TENM1: variants seen among roughly 807,000 people sequenced by gnomAD.
The protein encoded by TENM1 is teneurin-1.
TENM1 carries 35 observed loss-of-function variants against 174.8 expected under a neutral mutation model. The ratio of observed to expected loss-of-function variants is 0.20; its 90% CI spans 0.15 to 0.27. The LOEUF is 0.27. TENM1 is among the 10% of genes least tolerant of loss of function. The probability of loss-of-function intolerance (pLI) is 1.00; values close to 1 mark genes in which losing one functional copy is unlikely to be tolerated. For missense variants in TENM1, 1,633 were observed against 2,130.1 expected, an observed-to-expected ratio of 0.77 and a Z score of 4.59; for synonymous variants, 781 against 798.7, an observed-to-expected ratio of 0.98 and a Z score of 0.37.
At chrX:124,692,399 A>G (rs886823422) in intron 5 of TENM1, among the ~76,000 whole-genome samples, 1 of 111,323 alleles carries the variant, frequency 9.0e-6, no homozygotes, top group Non-Finnish European at 1.9e-5. Flanking sequence ...AAATTTACTT[A>G]TAGAACAAAC....
intron 4 of TENM1, among the ~76,000 whole-genome samples, chrX:124,716,468 G>GA (rs955216179): frequency 8.9e-6 from 1 of 112,171 alleles, no homozygotes; most frequent in Non-Finnish European, 1.9e-5. Context: ...CCACTGGCTA[G>GA]AAAAAAGCAG....
chrX:124,587,388 A>T (rs990686578), intron 11 of TENM1, among the ~76,000 whole-genome samples: 1 of 107,458 alleles, frequency 9.3e-6, no homozygotes, highest in African/African-American at 3.4e-5. Flanking sequence ...AATGCCACAT[A>T]TCTACAACTA....
chrX:125,085,786 A>G, the TENM1 span, among the ~76,000 whole-genome samples: 1 of 110,505 alleles, frequency 9.0e-6, no homozygotes, highest in African/African-American at 3.3e-5. Context: ...TATTTTCCCT[A>G]TTTGTGATTT....
chrX:124,914,529 C>T (rs915760438), intron 1 of TENM1, among the ~76,000 whole-genome samples: 7 of 111,692 alleles, frequency 6.3e-5, no homozygotes, highest in African/African-American at 1.3e-4. Context: ...TTAAAAGACG[C>T]CTTACATTTT....
intron 23 of TENM1, among the ~76,000 whole-genome samples, chrX:124,434,213 C>A (rs1603265326): frequency 9.0e-6 from 1 of 111,194 alleles, no homozygotes; most frequent in African/African-American, 3.3e-5. Flanking sequence ...CTCGTTGGGG[C>A]CCCCAACAAT....
intron 5 of TENM1, among the ~76,000 whole-genome samples, chrX:124,684,812 G>A (rs1352555763): frequency 2.7e-5 from 3 of 111,392 alleles, no homozygotes; most frequent in Non-Finnish European, 5.7e-5. Context: ...CAAGGGTTTA[G>A]GCCTACCCTA....
At chrX:125,158,946 A>C in the TENM1 span, among the ~76,000 whole-genome samples, 2 of 111,868 alleles carry the variant, frequency 1.8e-5, no homozygotes, top group African/African-American at 6.5e-5. Context: ...TAACAAAAAA[A>C]AAAACAAGTG....
chrX:125,007,161 A>C, the TENM1 span, among the ~76,000 whole-genome samples: 3 of 111,469 alleles, frequency 2.7e-5, no homozygotes, highest in Admixed American at 2.9e-4. Context: ...AACTAGAAAA[A>C]CCAGTTTAGA....
At chrX:124,560,566 T>C (rs1372064107) in intron 14 of TENM1, among the ~76,000 whole-genome samples, 1 of 111,142 alleles carries the variant, frequency 9.0e-6, no homozygotes, top group Non-Finnish European at 1.9e-5. Context: ...GTGTTCTTAA[T>C]CACAAAGTTG....
chrX:124,497,046 G>A (rs747368597), exon 20 of TENM1: 45 of 1,207,752 alleles, frequency 3.7e-5, no homozygotes, highest in East Asian at 1.2e-4. Context: ...GGAGTTTCCC[G>A]AGGGAAATAT....
chrX:124,393,304 G>A (rs1220277148), intron 27 of TENM1, among the ~76,000 whole-genome samples: 2 of 110,528 alleles, frequency 1.8e-5, no homozygotes, highest in African/African-American at 3.3e-5. Flanking sequence ...TTTTTTCCAC[G>A]TTTCAGCTGG....
chrX:124,871,437 A>G (rs1473576232), intron 3 of TENM1, among the ~76,000 whole-genome samples: 2 of 111,391 alleles, frequency 1.8e-5, no homozygotes, highest in Non-Finnish European at 3.8e-5. Context: ...GATGACTCCA[A>G]GGTTTTTGAC....
At chrX:124,852,483 G>A (rs1184330706) in intron 3 of TENM1, among the ~76,000 whole-genome samples, 3 of 110,904 alleles carry the variant, frequency 2.7e-5, no homozygotes, top group Non-Finnish European at 5.7e-5. Context: ...GGGAGAAGAA[G>A]AAGCCTAGAA....
At chrX:125,131,297 CAT>C in the TENM1 span, among the ~76,000 whole-genome samples, 1 of 111,522 alleles carries the variant, frequency 9.0e-6, no homozygotes, top group Non-Finnish European at 1.9e-5. Flanking sequence ...CTAGTCTAAA[CAT>C]GTGTTTATAG....
chrX:125,159,232 C>T, the TENM1 span, among the ~76,000 whole-genome samples: 94 of 112,244 alleles, frequency 8.4e-4, no homozygotes, highest in African/African-American at 3.0e-3. Context: ...CTTAACGTAT[C>T]CTCATGCTAG....
intron 5 of TENM1, among the ~76,000 whole-genome samples, chrX:124,691,542 C>T (rs1419123431): frequency 8.9e-6 from 1 of 111,780 alleles, no homozygotes. Flanking sequence ...GGTGGGTGTA[C>T]GAAATGGCTC....
intron 27 of TENM1, among the ~76,000 whole-genome samples, chrX:124,400,245 A>G (rs1003460219): frequency 3.6e-5 from 4 of 112,035 alleles, no homozygotes; most frequent in East Asian, 2.8e-4. Context: ...AATAGTGTCA[A>G]GTGAATGAAA....
intron 11 of TENM1, among the ~76,000 whole-genome samples, chrX:124,615,550 A>T (rs2050379741): frequency 8.9e-6 from 1 of 112,412 alleles, no homozygotes; most frequent in South Asian, 3.7e-4. Flanking sequence ...AGGTTCCGTT[A>T]TTTTTAGATG....
chrX:124,517,847 T>C (rs909988383), intron 18 of TENM1, among the ~76,000 whole-genome samples: 2 of 109,737 alleles, frequency 1.8e-5, no homozygotes, highest in African/African-American at 6.6e-5. Context: ...TTAAAAGGAA[T>C]TGGAAAATAA....
Sources: allele counts gnomAD v4.1 joint callset (sites outside exome capture counted in the v4.1 genomes callset), GRCh38; gene constraint gnomAD v4.1.1; transcripts MANE v1.5; gene names NCBI Gene and HGNC (gene_info 2026-07-23, HGNC 2026-07-21).